LRRC8C: variants seen among roughly 807,000 people sequenced by gnomAD.
The protein encoded by LRRC8C is leucine rich repeat containing 8 VRAC subunit C.
LRRC8C carries 20 observed loss-of-function variants against 55.3 expected under a neutral mutation model. The ratio of observed to expected loss-of-function variants is 0.36; its 90% CI spans 0.25 to 0.53. The LOEUF (loss-of-function observed/expected upper bound fraction) is 0.53. Ranked by LOEUF, LRRC8C falls within the 20% of genes least tolerant of loss-of-function variation. LRRC8C has a pLI of 0.92. For synonymous variants in LRRC8C, 376 were observed against 360.7 expected, an observed-to-expected ratio of 1.04 and a Z score of -0.48; for missense variants, 659 against 951.4, an observed-to-expected ratio of 0.69 and a Z score of 4.04.
intron 2 of LRRC8C, among the ~76,000 whole-genome samples, chr1:89,699,893 T>G (rs1658271418): frequency 6.6e-6 from 1 of 152,204 alleles, no homozygotes; most frequent in Non-Finnish European, 1.5e-5. Flanking sequence ...TTTTTGTACT[T>G]AAAATATTTT....
At chr1:89,653,764 C>T (rs1656856641) in intron 1 of LRRC8C, among the ~76,000 whole-genome samples, 1 of 152,162 alleles carries the variant, frequency 6.6e-6, no homozygotes, top group Admixed American at 6.5e-5. Flanking sequence ...CCCAGAGGAC[C>T]TGCAAAGATG....
chr1:89,663,034 C>T (rs1205650373), intron 1 of LRRC8C, among the ~76,000 whole-genome samples: 4 of 152,138 alleles, frequency 2.6e-5, no homozygotes, highest in African/African-American at 9.7e-5. Flanking sequence ...CATGTGTTCT[C>T]ATTGTTCAAC....
chr1:89,627,269 C>A, the LRRC8C span, among the ~76,000 whole-genome samples: 1 of 151,158 alleles, frequency 6.6e-6, no homozygotes. Flanking sequence ...AGACAATGAC[C>A]AATATATATA....
At chr1:89,666,795 T>G (rs1657277269) in intron 1 of LRRC8C, among the ~76,000 whole-genome samples, 1 of 152,162 alleles carries the variant, frequency 6.6e-6, no homozygotes, top group African/African-American at 2.4e-5. Flanking sequence ...ATTGAGTACC[T>G]TTTATGTGCC....
chr1:89,708,469 T>C (rs1436777837), intron 2 of LRRC8C: 1 of 151,540 alleles, frequency 6.6e-6, no homozygotes, highest in Non-Finnish European at 1.5e-5. Context: ...ATAGGTCTGA[T>C]TAGGCAGACT....
At chr1:89,640,805 C>T (rs963552514) in intron 1 of LRRC8C, among the ~76,000 whole-genome samples, 2 of 152,096 alleles carry the variant, frequency 1.3e-5, no homozygotes, top group African/African-American at 4.8e-5. Flanking sequence ...AGAAAACATG[C>T]AGGTGATATT....
At position 89,714,209 on chromosome 1, in the gene LRRC8C, C is replaced by G; in HGVS notation, c.1639C>G (p.Leu547Val). The change falls in exon 3 of 3, where the codon CTC (leucine) becomes GTC (valine). Residue 547 changes from leucine (L) to valine (V), a missense_variant. By Grantham distance (32) the Leu-to-Val change is conservative. Transcript: ENST00000370454. The surrounding 1 kb of genome is among the most constrained non-coding windows in gnomAD (Gnocchi z 4.6). ...GCGGGATCTCAAAAGCCTTAAAATTCTCTCTATCAAAAGCAACGTTTCCAA... is the reference window on the plus strand; with the variant it reads ...GCGGGATCTCAAAAGCCTTAAAATTGTCTCTATCAAAAGCAACGTTTCCAA... The part of the protein sequence containing the change: ...SLRDLKSLKI[L>V]SIKSNVSKIP... 1 of 1,614,122 alleles carries G rather than the reference C, an allele frequency of 6.2e-7. No homozygotes were observed. Among genetic ancestry groups the G allele is most frequent in the Non-Finnish European group, 8.5e-7 (1 of 1,180,036 alleles).
At chr1:89,650,107 A>C (rs905977467) in intron 1 of LRRC8C, among the ~76,000 whole-genome samples, 1 of 152,228 alleles carries the variant, frequency 6.6e-6, no homozygotes, top group Non-Finnish European at 1.5e-5. Context: ...CTCTGAACCC[A>C]TTCCTATAGG....
intron 1 of LRRC8C, among the ~76,000 whole-genome samples, chr1:89,650,292 C>T (rs1000676606): frequency 2.0e-5 from 3 of 152,102 alleles, no homozygotes; most frequent in Non-Finnish European, 2.9e-5. Flanking sequence ...TTATTTAACT[C>T]ATAAATGAGG....
At chr1:89,667,693 C>T (rs1191629354) in intron 1 of LRRC8C, among the ~76,000 whole-genome samples, 4 of 152,116 alleles carry the variant, frequency 2.6e-5, no homozygotes, top group Admixed American at 2.6e-4. Flanking sequence ...CATCCTAAGC[C>T]ACATTCCCTT....
At chr1:89,676,525 A>G (rs1657551971) in intron 1 of LRRC8C, 1 of 152,134 alleles carries the variant, frequency 6.6e-6, no homozygotes, top group East Asian at 1.9e-4. Flanking sequence ...ATCTAAGGGG[A>G]TAATAACGTA....
At chr1:89,635,336 A>G (rs1029325742) in intron 1 of LRRC8C, among the ~76,000 whole-genome samples, 2 of 152,176 alleles carry the variant, frequency 1.3e-5, no homozygotes, top group African/African-American at 4.8e-5. Flanking sequence ...TGGAAACTAT[A>G]TTTATTTTGC....
At chr1:89,627,056 G>T in the LRRC8C span, among the ~76,000 whole-genome samples, 3 of 151,120 alleles carry the variant, frequency 2.0e-5, no homozygotes, top group African/African-American at 7.3e-5. Context: ...TTATCTAGGG[G>T]CTTTCCAAAA....
intron 1 of LRRC8C, among the ~76,000 whole-genome samples, chr1:89,633,922 C>G (rs1292542098): frequency 5.3e-5 from 8 of 152,180 alleles, no homozygotes; most frequent in Non-Finnish European, 1.0e-4. Flanking sequence ...AGGCCAAAAC[C>G]GCTGCCTTCA....
At chr1:89,687,365 C>G (rs1466702779) in intron 2 of LRRC8C, among the ~76,000 whole-genome samples, 2 of 152,142 alleles carry the variant, frequency 1.3e-5, no homozygotes, top group Admixed American at 1.3e-4. Flanking sequence ...AGTCAAGAAC[C>G]TCTCCTTAGC....
At chr1:89,681,644 T>C (rs564317788) in intron 1 of LRRC8C, among the ~76,000 whole-genome samples, 98 of 152,096 alleles carry the variant, frequency 6.4e-4, no homozygotes, top group Non-Finnish European at 1.0e-3. Flanking sequence ...GAACTGCCCT[T>C]TATAAAACCA....
the LRRC8C span, chr1:89,626,303 T>G: frequency 2.6e-5 from 4 of 152,234 alleles, no homozygotes; most frequent in African/African-American, 9.6e-5. Context: ...AGCCACCAAA[T>G]GTGTGGGTTT....
At chr1:89,622,384 G>T in the LRRC8C span, among the ~76,000 whole-genome samples, 1 of 147,614 alleles carries the variant, frequency 6.8e-6, no homozygotes, top group African/African-American at 2.5e-5. Context: ...CCAGGCTGGA[G>T]TGCAGTGGCG....
At chr1:89,688,224 A>G (rs1248376988) in intron 2 of LRRC8C, among the ~76,000 whole-genome samples, 1 of 151,290 alleles carries the variant, frequency 6.6e-6, no homozygotes, top group African/African-American at 2.5e-5. Context: ...GCCAGTGAGA[A>G]GTTATTGTCT....
Sources: gnomAD v4.1 joint callset for allele counts (sites outside exome capture counted in the v4.1 genomes callset) on GRCh38, gnomAD v4.1.1 for gene constraint, Gnocchi (gnomAD v3.1) non-coding constraint, MANE v1.5 for transcripts, NCBI Gene and HGNC (gene_info 2026-07-23, HGNC 2026-07-21) for gene names.